ADGB: variants seen among roughly 807,000 people sequenced by gnomAD.
The protein encoded by ADGB is androglobin.
In ADGB, 172 loss-of-function variants were observed where a neutral mutation model predicts 210.5. The ratio of observed to expected loss-of-function variants is 0.82; its 90% CI spans 0.72 to 0.93. ADGB has a LOEUF of 0.93. Among genes scored for constraint, ADGB ranks in the 40% least tolerant of loss-of-function variants. The probability of loss-of-function intolerance (pLI) is 0.00; values close to 1 mark genes in which losing one functional copy is unlikely to be tolerated. For synonymous variants in ADGB, 658 were observed against 662.7 expected, an observed-to-expected ratio of 0.99 and a Z score of 0.11; for missense variants, 2,025 against 1,964.8, an observed-to-expected ratio of 1.03 and a Z score of -0.58.
At chr6:146,612,107 A>G (rs949253098) in intron 1 of ADGB, among the ~76,000 whole-genome samples, 8 of 152,056 alleles carry the variant, frequency 5.3e-5, no homozygotes, top group South Asian at 2.1e-4. Context: ...CTGCAGCCCA[A>G]TCTGGCCTCT....
intron 29 of ADGB, among the ~76,000 whole-genome samples, chr6:146,781,678 C>T (rs754300048): frequency 2.6e-5 from 4 of 151,870 alleles, no homozygotes; most frequent in Admixed American, 6.6e-5. Context: ...TAAATGAGTT[C>T]AATATTGTAT....
Position 146,676,303 on chromosome 6 carries a change from C to A in ADGB, c.1088-10C>A, listed in dbSNP as rs1776082781. 4 of 1,530,246 alleles carry A rather than the reference C, an allele frequency of 2.6e-6. No homozygotes were observed. The highest frequency in any genetic ancestry group is 4.9e-5 in the East Asian group (2 of 40,540). The allele number at this position is 1,530,246 out of a possible 1,614,324, so 94.8% of individuals were successfully genotyped here. A position where few individuals can be genotyped will look rare whatever the true frequency, so the allele number is the denominator to read the frequency against. ...GTTAAAATATTTATTGTGATTTTTT[C>A]ATATGTTAGAGAAAGCAGATGCAAG... On this transcript the variant is annotated splice_polypyrimidine_tract_variant and intron_variant, in intron 8 of 35. Transcript: ENST00000397944.
intron 23 of ADGB, among the ~76,000 whole-genome samples, chr6:146,738,117 C>T (rs187495742): frequency 6.6e-6 from 1 of 152,280 alleles, no homozygotes; most frequent in East Asian, 1.9e-4. Context: ...GATTCTTATC[C>T]TCTCTAAACT....
chr6:146,724,724 A>G (rs1026316441), intron 18 of ADGB: 1 of 152,356 alleles, frequency 6.6e-6, no homozygotes, highest in African/African-American at 2.4e-5. Flanking sequence ...AAAAACCTTG[A>G]TTTTATTTAA....
chr6:146,685,034 T>G (rs1296911000), intron 9 of ADGB, among the ~76,000 whole-genome samples: 1 of 152,056 alleles, frequency 6.6e-6, no homozygotes, highest in East Asian at 1.9e-4. Flanking sequence ...TATAGTTAAA[T>G]GTCAGTATGT....
intron 3 of ADGB, among the ~76,000 whole-genome samples, chr6:146,647,007 C>G (rs970159573): frequency 6.6e-6 from 1 of 150,390 alleles, no homozygotes; most frequent in African/African-American, 2.4e-5. Context: ...GTGAATCACT[C>G]GAACCTGGGA....
In ADGB at chr6:146,700,993, C is replaced by T. The variant is rs1776481493; in HGVS notation, c.1630C>T (p.Pro544Ser). 6.4e-7 allele frequency: 1 copy of T among 1,550,974 alleles called. No homozygotes were observed. Among genetic ancestry groups the T allele is most frequent in the African/African-American group, 1.4e-5 (1 of 72,986 alleles). Residue 544 changes from proline to serine, a missense_variant, in exon 13 of 36, where the codon CCT (proline) becomes TCT (serine). Pro to Ser is a moderately conservative substitution (Grantham distance 74, BLOSUM62 -1). Coordinates refer to ENST00000397944, the MANE Select transcript of ADGB (RefSeq NM_024694.4). ...KKGIPPGSDL[P>S]SVSETDETAT... is the part of the protein sequence containing the mutation. Reference sequence around the variant, plus strand: ...AGGAATACCTCCAGGATCTGATTTACCTTCCGTCAGTGAAACTGATGAAAC... The same window carrying T: ...AGGAATACCTCCAGGATCTGATTTATCTTCCGTCAGTGAAACTGATGAAAC...
intron 2 of ADGB, among the ~76,000 whole-genome samples, chr6:146,636,806 C>T (rs117898194): frequency 2.6e-3 from 398 of 152,072 alleles, no homozygotes; most frequent in Non-Finnish European, 4.8e-3. Flanking sequence ...TAGCTCTTAG[C>T]GCTGATTTGC....
intron 28 of ADGB, among the ~76,000 whole-genome samples, chr6:146,768,275 C>T (rs376001555): frequency 3.4e-4 from 52 of 152,194 alleles, no homozygotes; most frequent in African/African-American, 1.2e-3. Context: ...GAATGAATAG[C>T]AATTCACAAA....
chr6:146,629,627 C>T (rs1055096251), intron 1 of ADGB, among the ~76,000 whole-genome samples: 2 of 151,956 alleles, frequency 1.3e-5, no homozygotes, highest in Non-Finnish European at 2.9e-5. Context: ...TTTTAGCTTC[C>T]TGAATGAAGT....
Position 146,666,896 on chromosome 6 carries a change from C to A in ADGB, c.833C>A (p.Ser278Tyr). Reference protein sequence around the residue: ...ALTGWLPEVISLHPGYMDKVW... With the variant: ...ALTGWLPEVIYLHPGYMDKVW... ...ACAGGATGGTTACCAGAAGTCATTTCTCTTCAGTATGTTTGACTATTAAAT... is the reference window on the plus strand; with the variant it reads ...ACAGGATGGTTACCAGAAGTCATTTATCTTCAGTATGTTTGACTATTAAAT... Residue 278 changes from serine (S) to tyrosine (Y), a missense_variant, in exon 7 of 36, where the codon TCT becomes TAT. Coordinates refer to ENST00000397944, the MANE Select transcript of ADGB (RefSeq NM_024694.4). 1 of 1,542,808 alleles carries A rather than the reference C, an allele frequency of 6.5e-7. No homozygotes were observed. Among genetic ancestry groups the A allele is most frequent in the Non-Finnish European group, 8.8e-7 (1 of 1,140,154 alleles).
chr6:146,750,705 T>C (rs1397222108), intron 26 of ADGB, among the ~76,000 whole-genome samples: 10 of 152,176 alleles, frequency 6.6e-5, no homozygotes, highest in Non-Finnish European at 2.9e-5. Flanking sequence ...AACTCTTTAA[T>C]TGCATTAAAA....
intron 1 of ADGB, among the ~76,000 whole-genome samples, chr6:146,609,267 A>G (rs1351305565): frequency 6.6e-6 from 1 of 152,146 alleles, no homozygotes; most frequent in Admixed American, 6.5e-5. Context: ...TTGTCATTGC[A>G]TGTGATATGG....
chr6:146,696,560 TGTA>T (rs1776405678), intron 12 of ADGB, among the ~76,000 whole-genome samples: 6 of 149,384 alleles, frequency 4.0e-5, no homozygotes, highest in African/African-American at 1.0e-4. Flanking sequence ...TGAGGAAAAA[TGTA>T]TTAATTAATC....
Position 146,733,232 on chromosome 6 carries a change from C to G in ADGB, c.2633C>G (p.Ser878Cys). Residue 878 changes from serine to cysteine, a missense_variant, in exon 21 of 36, where the codon TCC becomes TGC. By Grantham distance (112) the Ser-to-Cys change is moderately radical (BLOSUM62 -1). Coordinates refer to ENST00000397944, the MANE Select transcript of ADGB (RefSeq NM_024694.4). ...GTTTTGGACTTGGAGTTACTCAATT[C>G]CTCCTTGGAAGAGGTTTCTTTAGGT... Reference protein sequence around the residue: ...AMVLDLELLNSSLEEVSLVEW... With the variant: ...AMVLDLELLNCSLEEVSLVEW... The G allele has an allele frequency of 1.3e-6, 2 of 1,535,172 alleles. No homozygotes were observed. The highest frequency in any genetic ancestry group is 3.4e-4 in the Middle Eastern group (2 of 5,880).
At chr6:146,768,702 CT>C (rs1451401408) in intron 28 of ADGB, among the ~76,000 whole-genome samples, 3 of 152,092 alleles carry the variant, frequency 2.0e-5, no homozygotes, top group African/African-American at 7.2e-5. Context: ...AGGCCAACAG[CT>C]TTGAAAAAAT....
Position 146,801,958 on chromosome 6 carries a change from G to A in ADGB, c.4765G>A (p.Glu1589Lys). 6.4e-7 allele frequency: 1 copy of A among 1,550,418 alleles called. No homozygotes were observed. The highest frequency in any genetic ancestry group is 2.4e-5 in the East Asian group (1 of 40,830). Residue 1589 changes from glutamate to lysine, a missense_variant, in exon 35 of 36, where the codon GAA becomes AAA. Coordinates refer to ENST00000397944, the MANE Select transcript of ADGB (RefSeq NM_024694.4). ...CCTTAGCATTCGAAACATTGACCAA[G>A]AAGAGCGGTTGAAGTTAAAGGATGA... ...RVLSIRNIDQ[E>K]ERLKLKDEVL...
At chr6:146,748,364 C>T (rs145454078) in intron 26 of ADGB, among the ~76,000 whole-genome samples, 1 of 152,202 alleles carries the variant, frequency 6.6e-6, no homozygotes, top group Non-Finnish European at 1.5e-5. Context: ...ATGCAATAGA[C>T]ATTTATTGTT....
At chr6:146,639,122 CT>C (rs35312981) in intron 2 of ADGB, 45,923 of 157,844 alleles carry the variant, frequency 0.29, 7,737 homozygotes, top group Admixed American at 0.39. Flanking sequence ...GCTTGTGATG[CT>C]TTTCCAGCAT....
Sources: gnomAD v4.1 joint callset for allele counts (sites outside exome capture counted in the v4.1 genomes callset) on GRCh38, gnomAD v4.1.1 for gene constraint, MANE v1.5 for transcripts, NCBI Gene and HGNC (gene_info 2026-07-23, HGNC 2026-07-21) for gene names.